The following TYW1B variants were observed in gnomAD, a reference collection of about 807,000 sequenced individuals.
TYW1B encodes S-adenosyl-L-methionine-dependent tRNA 4-demethylwyosine synthase TYW1B.
In TYW1B, 73 loss-of-function variants were observed where a neutral mutation model predicts 86.9. That is an observed-to-expected ratio of 0.84 (90% confidence interval 0.70 to 1.02). The LOEUF (loss-of-function observed/expected upper bound fraction) is 1.02. TYW1B is among the 50% of genes least tolerant of loss of function. The pLI, the probability that TYW1B is intolerant of heterozygous loss-of-function variation, is 0.00. For missense variants in TYW1B, 637 were observed against 827.4 expected (o/e 0.77, Z 2.82); for synonymous variants, 248 against 292.8 (o/e 0.85, Z 1.56).
chr7:72,703,080 A>C (rs1814528105), intron 10 of TYW1B, among the ~76,000 whole-genome samples: 1 of 140,834 alleles, frequency 7.1e-6, no homozygotes, highest in Admixed American at 7.5e-5. Flanking sequence ...GCCAGAGTGC[A>C]GTGGCACTAT....
chr7:72,714,793 A>T (rs1340800568), intron 9 of TYW1B, among the ~76,000 whole-genome samples: 10 of 152,150 alleles, frequency 6.6e-5, no homozygotes, highest in African/African-American at 2.4e-4. Flanking sequence ...GGCGGATGCC[A>T]GTAATCCCAG....
In TYW1B at chr7:72,579,051, A is replaced by AT. The variant is rs534611898; in HGVS notation, c.1786-3333dup. ...TGGTTTGAGCAATACAATGGACTTA[A>AT]TTTTTTTTTTTTTAACCATACTTAC... On this transcript the variant is annotated intron_variant, in intron 13 of 13. Transcript: ENST00000620995. Among the ~76,000 whole-genome samples, 1,226 of 147,014 alleles carry AT rather than the reference A, an allele frequency of 8.3e-3. 3 individuals are homozygous for AT. The highest frequency in any genetic ancestry group is 0.012 in the Non-Finnish European group (770 of 66,358).
At chr7:72,603,434 T>C (rs534065661) in intron 13 of TYW1B, among the ~76,000 whole-genome samples, 3 of 152,268 alleles carry the variant, frequency 2.0e-5, no homozygotes, top group Admixed American at 2.0e-4. Flanking sequence ...TACAGATATA[T>C]AACTGAATAC....
At chr7:72,760,858 G>C (rs1787674838) in intron 7 of TYW1B, among the ~76,000 whole-genome samples, 1 of 152,138 alleles carries the variant, frequency 6.6e-6, no homozygotes, top group Admixed American at 6.6e-5. Context: ...GCCTACAACA[G>C]AATGATCTTC....
At chr7:72,651,865 T>C (rs1813067726) in intron 11 of TYW1B, among the ~76,000 whole-genome samples, 1 of 152,192 alleles carries the variant, frequency 6.6e-6, no homozygotes, top group African/African-American at 2.4e-5. Context: ...TAGACACATG[T>C]AATAAAAATA....
At chr7:72,720,869 G>A (rs552772915) in intron 9 of TYW1B, among the ~76,000 whole-genome samples, 37 of 152,062 alleles carry the variant, frequency 2.4e-4, no homozygotes, top group Non-Finnish European at 4.6e-4. Flanking sequence ...ATTTACATTA[G>A]GTGTATCTCC....
chr7:72,693,294 T>C (rs1554450721), intron 11 of TYW1B, among the ~76,000 whole-genome samples: 1 of 152,146 alleles, frequency 6.6e-6, no homozygotes. Flanking sequence ...GCCAAATGTT[T>C]GCAGAAAATG....
Position 72,815,479 on chromosome 7 carries a change from T to C in TYW1B, c.138A>G (p.Gly46=). The change falls in exon 3 of 14, where the codon GGA becomes GGG. Residue 46 remains glycine, a splice_region_variant and synonymous_variant. Coordinates refer to ENST00000620995, the MANE Select transcript of TYW1B (RefSeq NM_001145440.3). ...ICVQIVIEMQ[G]FATVLAEAVT... ...CTGCTTCAGCAAGAACTGTTGCAAA[T>C]CCCTAATAGGACAAAAAAAAACTTC... 6.2e-7 allele frequency: 1 copy of C among 1,605,090 alleles called. No homozygotes were observed. The highest frequency in any genetic ancestry group is 1.7e-4 in the Middle Eastern group (1 of 6,042).
intron 9 of TYW1B, among the ~76,000 whole-genome samples, chr7:72,715,781 C>T (rs1554455795): frequency 1.3e-5 from 2 of 151,972 alleles, no homozygotes; most frequent in African/African-American, 2.4e-5. Context: ...ATCACCTTGA[C>T]TCCTGATAGT....
At position 72,810,385 on chromosome 7, in the gene TYW1B, CGT is replaced by C. The variant is rs1392684868; in HGVS notation, c.432+84_432+85del. On this transcript the variant is annotated intron_variant, in intron 4 of 13. Transcript: ENST00000620995. ...GTTTATGTGTGTGTACGTGTGTGCA[CGT>C]GTGTTTGTGTGTGTGTACGTGTGTG... 7.2e-5 allele frequency: 64 copies of C among 887,232 alleles called. 1 individual carries two copies. In the East Asian group the frequency reaches 1.2e-3, roughly 16 times the overall value. The allele number at this position is 887,232 out of a possible 1,614,324, so 55.0% of individuals were successfully genotyped here. A position where few individuals can be genotyped will look rare whatever the true frequency, so the allele number is the denominator to read the frequency against.
chr7:72,823,591 G>T (rs1337522119), intron 2 of TYW1B, among the ~76,000 whole-genome samples: 1 of 151,850 alleles, frequency 6.6e-6, no homozygotes, highest in Non-Finnish European at 1.5e-5. Context: ...CTGCACTCCA[G>T]CCTGGCGACA....
At chr7:72,712,612 G>GCCA (rs1554454993) in intron 10 of TYW1B, among the ~76,000 whole-genome samples, 1 of 152,210 alleles carries the variant, frequency 6.6e-6, no homozygotes, top group African/African-American at 2.4e-5. Flanking sequence ...ACAGGCATGA[G>GCCA]CCACCGCGCC....
intron 11 of TYW1B, among the ~76,000 whole-genome samples, chr7:72,645,814 T>C (rs1554441990): frequency 6.6e-6 from 1 of 151,984 alleles, no homozygotes. Context: ...GCTATTAACA[T>C]TCTATTTCTT....
chr7:72,589,361 A>G (rs1554431022), intron 13 of TYW1B, among the ~76,000 whole-genome samples: 1 of 152,232 alleles, frequency 6.6e-6, no homozygotes, highest in African/African-American at 2.4e-5. Context: ...GTGGGAAGGC[A>G]ATAGAGGAAT....
At chr7:72,607,264 A>G (rs1397256069) in intron 13 of TYW1B, among the ~76,000 whole-genome samples, 5 of 151,764 alleles carry the variant, frequency 3.3e-5, no homozygotes, top group Non-Finnish European at 7.4e-5. Flanking sequence ...GTGGTGGTAC[A>G]CGCCTGTAAT....
chr7:72,734,355 A>G (rs1194003105), intron 8 of TYW1B, among the ~76,000 whole-genome samples: 1 of 152,116 alleles, frequency 6.6e-6, no homozygotes, highest in Non-Finnish European at 1.5e-5. Context: ...AGAACAAAAT[A>G]GAGAACCCAG....
intron 13 of TYW1B, among the ~76,000 whole-genome samples, chr7:72,590,018 T>G (rs1367164746): frequency 6.6e-6 from 1 of 152,200 alleles, no homozygotes; most frequent in Non-Finnish European, 1.5e-5. Flanking sequence ...AGTATAAATT[T>G]TAAAAATATC....
chr7:72,778,888 T>C (rs1181122733), intron 6 of TYW1B, among the ~76,000 whole-genome samples: 1 of 152,166 alleles, frequency 6.6e-6, no homozygotes, highest in African/African-American at 2.4e-5. Context: ...TGGCTTGATA[T>C]GACAAGATGA....
At chr7:72,591,227 C>A (rs1158855148) in intron 13 of TYW1B, among the ~76,000 whole-genome samples, 3 of 151,508 alleles carry the variant, frequency 2.0e-5, no homozygotes, top group African/African-American at 4.8e-5. Context: ...GACATTTGCA[C>A]GTGGCAATCT....
Sources: gnomAD v4.1 joint callset for allele counts (sites outside exome capture counted in the v4.1 genomes callset) on GRCh38, gnomAD v4.1.1 for gene constraint, MANE v1.5 for transcripts, NCBI Gene and HGNC (gene_info 2026-07-23, HGNC 2026-07-21) for gene names.